Variants in VPS35L observed in about 807,000 individuals in gnomAD.
VPS35L encodes VPS35 endosomal protein sorting factor like.
Under a neutral mutation model 133.0 loss-of-function variants are expected in VPS35L, and 83 were observed. That is an observed-to-expected ratio of 0.62 (90% CI 0.52 to 0.75). VPS35L has a LOEUF of 0.75. Among genes scored for constraint, VPS35L ranks in the 30% least tolerant of loss-of-function variants. The probability of loss-of-function intolerance (pLI) is 0.00; values close to 1 mark genes in which losing one functional copy is unlikely to be tolerated. For synonymous variants in VPS35L, 423 were observed against 449.9 expected (o/e 0.94, Z 0.76); for missense variants, 1,083 against 1,206.8 (o/e 0.90, Z 1.52).
intron 26 of VPS35L, among the ~76,000 whole-genome samples, chr16:19,661,539 A>G (rs1974485718): frequency 6.6e-6 from 1 of 152,178 alleles, no homozygotes; most frequent in African/African-American, 2.4e-5. Flanking sequence ...TATCTACAGG[A>G]GCTCGAAGAG....
At chr16:19,604,468 A>G (rs969088885) in intron 9 of VPS35L, among the ~76,000 whole-genome samples, 1 of 152,192 alleles carries the variant, frequency 6.6e-6, no homozygotes, top group Non-Finnish European at 1.5e-5. Flanking sequence ...ACTATTTTTG[A>G]TCTTGAGCAA....
At chr16:19,583,900 G>C (rs1971785060) in intron 7 of VPS35L, among the ~76,000 whole-genome samples, 1 of 152,200 alleles carries the variant, frequency 6.6e-6, no homozygotes, top group African/African-American at 2.4e-5. Flanking sequence ...AGTCGTCGCT[G>C]TTCTACTCTC....
chr16:19,652,063 G>A lies in VPS35L; in HGVS notation c.2194G>A (p.Ala732Thr), dbSNP rs906315435. The change falls in exon 26 of 31, where the codon GCC (alanine) becomes ACC (threonine). Residue 732 changes from alanine (A) to threonine (T), a missense_variant. Transcript: ENST00000417362. Reference protein sequence around the residue: ...LNLYLHSGQVALANQCLSQAD... With the variant: ...LNLYLHSGQVTLANQCLSQAD... ...TCTCTACCTGCATTCTGGTCAGGTG[G>A]CCTTGGCCAACCAGTGCCTCTCCCA... is the stretch of plus-strand genomic sequence containing the variant. 4 of 1,609,152 alleles carry A rather than the reference G, an allele frequency of 2.5e-6. No homozygotes were observed. The highest frequency in any genetic ancestry group is 1.3e-5 in the African/African-American group (1 of 74,966).
At chr16:19,694,534 G>C (rs1227240240) in intron 29 of VPS35L, 2 of 151,236 alleles carry the variant, frequency 1.3e-5, no homozygotes, top group Non-Finnish European at 2.9e-5. Flanking sequence ...CTGTCATCCA[G>C]GCTGGAGTAC....
chr16:19,573,757 G>A (rs1971453003), intron 4 of VPS35L, among the ~76,000 whole-genome samples: 1 of 152,102 alleles, frequency 6.6e-6, no homozygotes, highest in East Asian at 1.9e-4. Context: ...AGGTTACATT[G>A]CGCAGAGATC....
At chr16:19,576,001 A>G (rs1458930442) in intron 5 of VPS35L, among the ~76,000 whole-genome samples, 1 of 148,292 alleles carries the variant, frequency 6.7e-6, no homozygotes, top group African/African-American at 2.5e-5. Flanking sequence ...ACTAAAAAAA[A>G]AAAAAAAAAA....
chr16:19,626,487 C>T (rs140399143), intron 15 of VPS35L, among the ~76,000 whole-genome samples: 4 of 152,186 alleles, frequency 2.6e-5, no homozygotes, highest in East Asian at 1.9e-4. Context: ...TTCAACTGGG[C>T]GTGGTGGCTG....
chr16:19,621,181 AAGAG>A (rs1284042941), intron 14 of VPS35L, among the ~76,000 whole-genome samples: 1 of 152,188 alleles, frequency 6.6e-6, no homozygotes, highest in Non-Finnish European at 1.5e-5. Context: ...CAGTATTTAT[AAGAG>A]TATCCCATTG....
rs1408824722 is a variant in VPS35L at position 19,700,545 on chromosome 16, A to T, written c.*69A>T. The T allele has an allele frequency of 6.2e-6, 8 of 1,295,464 alleles. No individual in the cohort carries two copies. Among genetic ancestry groups the T allele is most frequent in the African/African-American group, 4.4e-5 (3 of 67,426 alleles). The allele number at this position is 1,295,464 out of a possible 1,614,324, so 80.2% of individuals were successfully genotyped here. On this transcript the variant is annotated 3_prime_UTR_variant, in exon 31 of 31. Transcript: ENST00000417362. ...CAGAAAGATCTGCTCTGCTGCCCTG[A>T]ACTCTTACGGCAATTTAGGTTTCTC...
chr16:19,689,011 G>A (rs921584104), intron 28 of VPS35L, among the ~76,000 whole-genome samples: 4 of 151,870 alleles, frequency 2.6e-5, no homozygotes, highest in Non-Finnish European at 4.4e-5. Flanking sequence ...AGAGCTGTAC[G>A]CGTAGCGCCC....
chr16:19,656,962 G>GTTTTTTTTTT (rs1180404849), intron 26 of VPS35L, among the ~76,000 whole-genome samples: 1 of 109,560 alleles, frequency 9.1e-6, no homozygotes, highest in African/African-American at 3.6e-5. Context: ...AAAAGAACTT[G>GTTTTTTTTTT]TTTTTTTTTT....
intron 3 of VPS35L, among the ~76,000 whole-genome samples, chr16:19,570,875 A>ATTTT (rs1567388756): frequency 2.6e-4 from 12 of 45,816 alleles, no homozygotes; most frequent in African/African-American, 1.2e-3. Context: ...ATATATATAT[A>ATTTT]TATATATATA....
At position 19,579,088 on chromosome 16, in the gene VPS35L, A is replaced by C. The variant is rs1388285068; in HGVS notation, c.470A>C (p.Lys157Thr). ...AGTATLAMSE[K>T]VRTRLEELDD... ...ACTGCCACATTGGCAATGTCAGAGA[A>C]GGTGCGGACCCGGCTGGAGGAGCTG... is the stretch of plus-strand genomic sequence containing the variant. Residue 157 changes from lysine (K) to threonine (T), a missense_variant, in exon 6 of 31, where the codon AAG becomes ACG. Lys to Thr is a moderately conservative substitution (Grantham distance 78, BLOSUM62 -1). Coordinates refer to ENST00000417362, the MANE Select transcript of VPS35L (RefSeq NM_020314.7). 4 of 1,614,172 alleles carry C rather than the reference A, an allele frequency of 2.5e-6. 1 individual carries two copies. The South Asian group carries it at 4.4e-5, about 18-fold the overall frequency.
intron 15 of VPS35L, 80 bp downstream of exon 15, chr16:19,626,303 G>A: frequency 9.6e-7 from 1 of 1,043,780 alleles, no homozygotes; most frequent in South Asian, 1.3e-5. Flanking sequence ...GCTTACCTGG[G>A]TATGAGCTGA....
intron 26 of VPS35L, among the ~76,000 whole-genome samples, chr16:19,661,680 G>A (rs1378243656): frequency 2.6e-5 from 4 of 152,132 alleles, no homozygotes; most frequent in African/African-American, 7.2e-5. Context: ...GACCCTTCCC[G>A]CCATCCTCAC....
chr16:19,566,244 T>A (rs1161728342), intron 2 of VPS35L, among the ~76,000 whole-genome samples: 1 of 152,108 alleles, frequency 6.6e-6, no homozygotes, highest in East Asian at 1.9e-4. Context: ...ACCCGTAATT[T>A]CAGCACTTTG....
At chr16:19,569,361 T>C (rs1971287471) in intron 2 of VPS35L, 63 bp from the exon 3 acceptor site, 2 of 1,569,140 alleles carry the variant, frequency 1.3e-6, no homozygotes, top group Non-Finnish European at 1.8e-6. Flanking sequence ...AAGTACCCAC[T>C]GGAGTGTTTC....
In VPS35L at chr16:19,639,315, C is replaced by T. The variant is rs551854694; in HGVS notation, c.1699-700C>T. 4.6e-5 allele frequency among the ~76,000 whole-genome samples: 7 copies of T among 152,140 alleles called. No individual in the cohort carries two copies. In the South Asian group the frequency reaches 1.2e-3, roughly 27 times the overall value. On this transcript the variant is annotated intron_variant, in intron 20 of 30. Transcript: ENST00000417362. The surrounding 1 kb of genome is among the most constrained non-coding windows in gnomAD (Gnocchi z 4.1). The stretch of plus-strand genomic sequence containing the variant: ...ACCGAGGTTAGTATTCAGAGCCAGG[C>T]GGTCCAATTTCGAGGCCATCTGTGA...
intron 1 of VPS35L, among the ~76,000 whole-genome samples, chr16:19,561,222 T>C (rs547806738): frequency 1.3e-5 from 2 of 151,926 alleles, no homozygotes; most frequent in Non-Finnish European, 2.9e-5. Flanking sequence ...TACAAAAAAA[T>C]TAGCCGGGTG....
Sources: allele counts gnomAD v4.1 joint callset (sites outside exome capture counted in the v4.1 genomes callset), GRCh38; gene constraint gnomAD v4.1.1; non-coding constraint Gnocchi (gnomAD v3.1); transcripts MANE v1.5; gene names NCBI Gene and HGNC (gene_info 2026-07-23, HGNC 2026-07-21).